The following PHEX variants were observed in gnomAD, a reference collection of about 807,000 sequenced individuals.
PHEX encodes the protein phosphate regulating endopeptidase X-linked.
In PHEX, 16 loss-of-function variants were observed where a neutral mutation model predicts 68.0. The ratio of observed to expected loss-of-function variants is 0.24; its 90% CI spans 0.16 to 0.36. PHEX has a LOEUF of 0.36. PHEX is among the 10% of genes least tolerant of loss of function. The pLI is 1.00. For missense variants in PHEX, 480 were observed against 575.5 expected (o/e 0.83, Z 1.70); for synonymous variants, 208 against 205.1 (o/e 1.01, Z -0.12).
At chrX:22,213,184 T>C (rs1463756793) in intron 16 of PHEX, among the ~76,000 whole-genome samples, 1 of 112,347 alleles carries the variant, frequency 8.9e-6, no homozygotes, top group Non-Finnish European at 1.9e-5. Flanking sequence ...GGCTTTCATT[T>C]TTATGCATTT....
intron 11 of PHEX, among the ~76,000 whole-genome samples, chrX:22,125,993 A>G (rs1457276460): frequency 1.8e-5 from 2 of 111,910 alleles, no homozygotes; most frequent in Non-Finnish European, 3.8e-5. Flanking sequence ...CAACTCTGCT[A>G]GGTGCCAATT....
chrX:22,062,919 C>G (rs1452630414), intron 3 of PHEX, among the ~76,000 whole-genome samples: 1 of 110,839 alleles, frequency 9.0e-6, no homozygotes, highest in Admixed American at 9.7e-5. Context: ...TGCCACCATG[C>G]CTGGCTAATT....
chrX:22,131,201 A>G (rs1335393808), intron 11 of PHEX, among the ~76,000 whole-genome samples: 20 of 109,921 alleles, frequency 1.8e-4, no homozygotes, highest in Non-Finnish European at 3.4e-4. Flanking sequence ...TACTACACCC[A>G]GCTAATTTTT....
At chrX:22,167,783 C>T (rs142801066) in intron 12 of PHEX, among the ~76,000 whole-genome samples, 4 of 111,547 alleles carry the variant, frequency 3.6e-5, no homozygotes, top group South Asian at 3.8e-4. Context: ...GCATGAACAA[C>T]TGTGCCCGAC....
chrX:22,201,665 T>C (rs113078256), intron 15 of PHEX, among the ~76,000 whole-genome samples: 2,481 of 111,921 alleles, frequency 0.022, 70 homozygotes, highest in African/African-American at 0.075. Context: ...ATGGGATTCC[T>C]GTTACCATGG....
At chrX:22,149,711 G>T (rs1476195362) in intron 12 of PHEX, among the ~76,000 whole-genome samples, 2 of 112,580 alleles carry the variant, frequency 1.8e-5, no homozygotes, top group African/African-American at 3.2e-5. Context: ...CCGAGATCAT[G>T]CCATTGCACT....
chrX:22,077,418 C>A, intron 4 of PHEX, 58 bp from the exon 5 acceptor site: 1 of 995,078 alleles, frequency 1.0e-6, no homozygotes, highest in Non-Finnish European at 1.4e-6. Context: ...CACTTAAATT[C>A]TAGTGTGCTG....
At chrX:22,155,841 C>G (rs377023320) in intron 12 of PHEX, among the ~76,000 whole-genome samples, 1 of 111,362 alleles carries the variant, frequency 9.0e-6, no homozygotes, top group Non-Finnish European at 1.9e-5. Flanking sequence ...AATGGGGAAA[C>G]CTCTTGTGTA....
chrX:22,111,309 G>T (rs746663932), intron 9 of PHEX, among the ~76,000 whole-genome samples, 158 bp from the exon 10 acceptor site: 28 of 112,214 alleles, frequency 2.5e-4, no homozygotes, highest in Non-Finnish European at 4.5e-4. Flanking sequence ...TATTGACATT[G>T]TATCATCTTA....
intron 15 of PHEX, among the ~76,000 whole-genome samples, chrX:22,206,679 AG>A (rs1263092737): frequency 9.0e-6 from 1 of 111,269 alleles, no homozygotes; most frequent in Non-Finnish European, 1.9e-5. Context: ...GGCGGAAAGT[AG>A]GTTCTAGGTT....
At chrX:22,166,665 T>C (rs1382613194) in intron 12 of PHEX, among the ~76,000 whole-genome samples, 1 of 111,310 alleles carries the variant, frequency 9.0e-6, no homozygotes, top group Non-Finnish European at 1.9e-5. Flanking sequence ...CCCTTAGCCA[T>C]TTTCTAGTGT....
chrX:22,168,739 C>G lies in PHEX; in HGVS notation c.1482+350C>G, dbSNP rs766652822. Among the ~76,000 whole-genome samples, 4 of 112,263 alleles carry G rather than the reference C, an allele frequency of 3.6e-5. No individual in the cohort carries two copies. The South Asian group carries it at 1.5e-3, about 41-fold the overall frequency. ...AATGCATCATGTTTGTTGTTAAATA[C>G]TTTTTATTTGCTTCATTCGTATTAA... On this transcript the variant is annotated intron_variant, in intron 13 of 21. Coordinates refer to ENST00000379374, the MANE Select transcript of PHEX (RefSeq NM_000444.6).
intron 12 of PHEX, among the ~76,000 whole-genome samples, chrX:22,161,764 T>C (rs907291598): frequency 3.6e-5 from 4 of 112,122 alleles, no homozygotes; most frequent in Non-Finnish European, 7.5e-5. Context: ...AATAAACTAC[T>C]CTTTTAAATA....
intron 4 of PHEX, among the ~76,000 whole-genome samples, chrX:22,076,817 G>A (rs6528086): frequency 0.068 from 7,598 of 112,041 alleles, 379 homozygotes; most frequent in African/African-American, 0.17. Flanking sequence ...GACTGGGAGG[G>A]AGTGCACCTA....
At chrX:22,205,351 T>A (rs5951726) in intron 15 of PHEX, among the ~76,000 whole-genome samples, 46,902 of 110,645 alleles carry the variant, frequency 0.42, 8,835 homozygotes, top group African/African-American at 0.72. Context: ...CAATGATGCT[T>A]ATTCCTTCAG....
At chrX:22,098,265 G>A (rs970632562) in intron 8 of PHEX, among the ~76,000 whole-genome samples, 3 of 107,768 alleles carry the variant, frequency 2.8e-5, no homozygotes, top group Admixed American at 1.0e-4. Flanking sequence ...GAGAAATGCA[G>A]GAGAGAAGGA....
intron 15 of PHEX, among the ~76,000 whole-genome samples, chrX:22,200,587 T>C (rs7064391): frequency 1.8e-3 from 204 of 110,688 alleles, no homozygotes; most frequent in African/African-American, 6.4e-3. Context: ...CCAGTCTGGG[T>C]GACAGAGTGA....
At chrX:22,142,333 A>G (rs1395911072) in intron 12 of PHEX, among the ~76,000 whole-genome samples, 3 of 112,076 alleles carry the variant, frequency 2.7e-5, no homozygotes, top group Non-Finnish European at 5.6e-5. Context: ...ACATTTCTCT[A>G]TAGTTGCATG....
At chrX:22,095,543 T>C (rs1326170798) in intron 7 of PHEX, among the ~76,000 whole-genome samples, 4 of 112,019 alleles carry the variant, frequency 3.6e-5, no homozygotes, top group Non-Finnish European at 7.5e-5. Context: ...AACTTGGGGC[T>C]GTGAGACTCC....
Sources: allele counts gnomAD v4.1 joint callset (sites outside exome capture counted in the v4.1 genomes callset), GRCh38; gene constraint gnomAD v4.1.1; transcripts MANE v1.5; gene names NCBI Gene and HGNC (gene_info 2026-07-23, HGNC 2026-07-21).